The following TOP1 variants were observed in gnomAD, a reference collection of about 807,000 sequenced individuals.
TOP1 encodes the protein DNA topoisomerase 1.
In TOP1, 10 loss-of-function variants were observed where a neutral mutation model predicts 111.1. The observed-to-expected ratio is 0.09, with a 90% CI of 0.06 to 0.15. The LOEUF (loss-of-function observed/expected upper bound fraction) is 0.15. Among genes scored for constraint, TOP1 ranks in the 10% least tolerant of loss-of-function variants. The pLI is 1.00. For missense variants in TOP1, 474 were observed against 926.7 expected, an observed-to-expected ratio of 0.51 and a Z score of 6.34; for synonymous variants, 271 against 302.9, an observed-to-expected ratio of 0.89 and a Z score of 1.10.
In TOP1 at chr20:41,029,141, T is replaced by C; in HGVS notation, c.33+41T>C. On this transcript the variant is annotated intron_variant, in intron 1 of 20. Transcript: ENST00000361337. This position sits in a 1 kb window ranked among gnomAD's most constrained non-coding sequence, Gnocchi z 6.1. ...ACCCTGGCGGCCCCGGACCCCGGCC[T>C]GGCCGTCCCGCGACCCCCGGCGCAG... The C allele has an allele frequency of 1.4e-6, 2 of 1,424,982 alleles. No individual in the cohort carries two copies. Among genetic ancestry groups the C allele is most frequent in the Non-Finnish European group, 1.8e-6 (2 of 1,086,196 alleles). 88.3% of individuals were successfully genotyped at this position (1,424,982 alleles called of 1,614,324 possible).
At chr20:41,084,670 GA>G in intron 8 of TOP1, 102 bp downstream of exon 8, 1 of 678,014 alleles carries the variant, frequency 1.5e-6, no homozygotes. Context: ...TATTTGGGGG[GA>G]AATACTTTAA....
rs370975432 is a variant in TOP1, at chr20:41,115,490, C to A, written c.1707+51C>A. 1 of 1,418,446 alleles carries A rather than the reference C, an allele frequency of 7.0e-7. No homozygotes were observed. Among genetic ancestry groups the A allele is most frequent in the Non-Finnish European group, 1.0e-6 (1 of 1,002,732 alleles). 87.9% of individuals were successfully genotyped at this position (1,418,446 alleles called of 1,614,324 possible). On this transcript the variant is annotated intron_variant, in intron 16 of 20. Coordinates refer to ENST00000361337, the MANE Select transcript of TOP1 (RefSeq NM_003286.4). This position sits in a 1 kb window ranked among gnomAD's most constrained non-coding sequence, Gnocchi z 6.3. Reference sequence around the variant, plus strand: ...GAAGGGAGTCCCAGCCAGAGCCTCACAGTACCTAAAGGGGAGGGTTGCTGG... The same window carrying A: ...GAAGGGAGTCCCAGCCAGAGCCTCAAAGTACCTAAAGGGGAGGGTTGCTGG...
intron 11 of TOP1, 84 bp from the exon 12 acceptor site, chr20:41,099,972 A>T: frequency 1.1e-6 from 1 of 911,310 alleles, no homozygotes; most frequent in Non-Finnish European, 1.6e-6. Context: ...CTCTACCTTG[A>T]CTTAGTCTCC....
chr20:41,104,405 GGATGGAGA>G (rs1190651694), intron 13 of TOP1, among the ~76,000 whole-genome samples: 2 of 152,180 alleles, frequency 1.3e-5, no homozygotes, highest in African/African-American at 4.8e-5. Context: ...ATGGCAATGG[GGATGGAGA>G]GAGGTGACAG....
At chr20:41,104,330 TAGAG>T in intron 13 of TOP1, among the ~76,000 whole-genome samples, 1 of 152,154 alleles carries the variant, frequency 6.6e-6, no homozygotes, top group South Asian at 2.1e-4. Context: ...AAACAAGAAG[TAGAG>T]AGATCAATGG....
intron 2 of TOP1, among the ~76,000 whole-genome samples, chr20:41,048,948 G>T (rs1273831483): frequency 6.6e-6 from 1 of 152,152 alleles, no homozygotes; most frequent in African/African-American, 2.4e-5. Context: ...TTAAGGTAAG[G>T]AGAGAAGGTT....
rs1236562295 is a variant in TOP1 at position 41,030,174 on chromosome 20, A to G, written c.58+719A>G. On this transcript the variant is annotated intron_variant, in intron 2 of 20. Transcript: ENST00000361337. The surrounding 1 kb of genome is among the most constrained non-coding windows in gnomAD (Gnocchi z 4.1). Reference sequence around the variant, plus strand: ...AGTACCTCCCTAAAGAAAGTTTGCAAGTTCTCTGTGGGTCACCCAATGTAA... The same window carrying G: ...AGTACCTCCCTAAAGAAAGTTTGCAGGTTCTCTGTGGGTCACCCAATGTAA... Among the ~76,000 whole-genome samples, 6 of 152,192 alleles carry G rather than the reference A, an allele frequency of 3.9e-5. No homozygotes were observed. The East Asian group carries it at 1.2e-3, about 29-fold the overall frequency.
intron 2 of TOP1, among the ~76,000 whole-genome samples, chr20:41,042,811 G>A (rs545146724): frequency 3.9e-5 from 6 of 152,286 alleles, no homozygotes; most frequent in African/African-American, 1.4e-4. Flanking sequence ...TATGTTATAT[G>A]TATTATATAC....
intron 2 of TOP1, among the ~76,000 whole-genome samples, chr20:41,050,845 C>T (rs891228202): frequency 6.6e-6 from 1 of 152,126 alleles, no homozygotes; most frequent in African/African-American, 2.4e-5. Flanking sequence ...CAGAAGCCAT[C>T]TTCTTTTAAA....
At chr20:41,042,551 G>T (rs1329065318) in intron 2 of TOP1, among the ~76,000 whole-genome samples, 1 of 152,228 alleles carries the variant, frequency 6.6e-6, no homozygotes, top group East Asian at 1.9e-4. Flanking sequence ...TGAAAATCCA[G>T]TCTGTGGAGC....
rs948125738 is a variant in TOP1, at chr20:41,095,874, G to C, written c.731-1346G>C. On this transcript the variant is annotated intron_variant, in intron 9 of 20. Coordinates refer to ENST00000361337, the MANE Select transcript of TOP1 (RefSeq NM_003286.4). The surrounding 1 kb of genome is among the most constrained non-coding windows in gnomAD (Gnocchi z 4.6). ...TGGTTCGAGGTGATGTTGTAAAGTT[G>C]GATTTTTAAGAAAGAATGGAAATTG... Among the ~76,000 whole-genome samples the C allele has an allele frequency of 6.6e-6, 1 of 152,128 alleles. No homozygotes were observed. Among genetic ancestry groups the C allele is most frequent in the African/African-American group, 2.4e-5 (1 of 41,418 alleles).
chr20:41,089,952 A>G (rs1364835779), intron 8 of TOP1, among the ~76,000 whole-genome samples: 1 of 152,036 alleles, frequency 6.6e-6, no homozygotes, highest in Admixed American at 6.5e-5. Flanking sequence ...ATGACCATTC[A>G]AGTTCTTTGC....
chr20:41,094,288 G>C lies in TOP1; in HGVS notation c.730+1701G>C, dbSNP rs544483776. On this transcript the variant is annotated intron_variant, in intron 9 of 20. Transcript: ENST00000361337. This position sits in a 1 kb window ranked among gnomAD's most constrained non-coding sequence, Gnocchi z 4.4. Reference sequence around the variant, plus strand: ...AGCCCTCACGCTGGTCATTCCTGGAGACTCTTAACTATAACTCAAAGCCAA... The same window carrying C: ...AGCCCTCACGCTGGTCATTCCTGGACACTCTTAACTATAACTCAAAGCCAA... Among the ~76,000 whole-genome samples the C allele has an allele frequency of 2.0e-5, 3 of 152,256 alleles. No individual in the cohort carries two copies. The South Asian group carries it at 6.2e-4, about 32-fold the overall frequency.
chr20:41,101,150 G>C lies in TOP1; in HGVS notation c.1164-59G>C. On this transcript the variant is annotated intron_variant, in intron 12 of 20. Coordinates refer to ENST00000361337, the MANE Select transcript of TOP1 (RefSeq NM_003286.4). This position sits in a 1 kb window ranked among gnomAD's most constrained non-coding sequence, Gnocchi z 4.1. ...AGCAGATAGGTCCACTTGGGGTCAT[G>C]AAAGGTGAAATTATTCCTCACATCT... 1 of 1,594,240 alleles carries C rather than the reference G, an allele frequency of 6.3e-7. No individual in the cohort carries two copies. The highest frequency in any genetic ancestry group is 8.6e-7 in the Non-Finnish European group (1 of 1,164,036).
chr20:41,041,159 T>C (rs2033259189), intron 2 of TOP1, among the ~76,000 whole-genome samples: 1 of 152,250 alleles, frequency 6.6e-6, no homozygotes, highest in Non-Finnish European at 1.5e-5. Flanking sequence ...CATTCTGTAG[T>C]AGTCTGTATT....
intron 2 of TOP1, among the ~76,000 whole-genome samples, chr20:41,055,542 A>G (rs1044052927): frequency 1.3e-5 from 2 of 152,236 alleles, no homozygotes; most frequent in Non-Finnish European, 2.9e-5. Flanking sequence ...TACCTTAGAT[A>G]CAATATGGCT....
chr20:41,121,557 T>C lies in TOP1; in HGVS notation c.1951-139T>C, dbSNP rs972292213. On this transcript the variant is annotated intron_variant, in intron 18 of 20. Coordinates refer to ENST00000361337, the MANE Select transcript of TOP1 (RefSeq NM_003286.4). This position sits in a 1 kb window ranked among gnomAD's most constrained non-coding sequence, Gnocchi z 4.2. The stretch of plus-strand genomic sequence containing the variant: ...CTTGTGCATCTTCTCCCTGCCTTCA[T>C]GAAGCCACCCTTGTTTTTTTTTATC... The C allele has an allele frequency of 2.8e-6, 2 of 710,102 alleles. No homozygotes were observed. Among genetic ancestry groups the C allele is most frequent in the African/African-American group, 3.5e-5 (2 of 56,636 alleles). 44.0% of individuals were successfully genotyped at this position (710,102 alleles called of 1,614,324 possible).
intron 18 of TOP1, among the ~76,000 whole-genome samples, chr20:41,120,678 A>C (rs1010900224): frequency 2.0e-5 from 3 of 152,220 alleles, no homozygotes; most frequent in Non-Finnish European, 2.9e-5. Flanking sequence ...TGGGGAAAAA[A>C]GCTCCACAGC....
intron 2 of TOP1, among the ~76,000 whole-genome samples, chr20:41,047,329 G>C (rs1045353589): frequency 2.0e-5 from 3 of 152,194 alleles, no homozygotes; most frequent in Admixed American, 2.0e-4. Flanking sequence ...TTGCAGATAC[G>C]TTCAGATACA....
Sources: gnomAD v4.1 joint callset for allele counts (sites outside exome capture counted in the v4.1 genomes callset) on GRCh38, gnomAD v4.1.1 for gene constraint, Gnocchi (gnomAD v3.1) non-coding constraint, MANE v1.5 for transcripts, NCBI Gene and HGNC (gene_info 2026-07-23, HGNC 2026-07-21) for gene names.